WWOX: variants seen among roughly 807,000 people sequenced by gnomAD.
WWOX encodes WW domain containing oxidoreductase.
In WWOX, 69 loss-of-function variants were observed where a neutral mutation model predicts 46.2. The observed-to-expected ratio is 1.49, with a 90% CI of 1.23 to 1.82. The LOEUF (loss-of-function observed/expected upper bound fraction) is 1.82, where lower values mean the gene tolerates loss of function less well. Among genes scored for constraint, WWOX ranks in the 40% most tolerant of loss-of-function variants. The pLI is 0.00. For synonymous variants in WWOX, 359 were observed against 202.6 expected, an observed-to-expected ratio of 1.77 and a Z score of -6.56; for missense variants, 919 against 542.6, an observed-to-expected ratio of 1.69 and a Z score of -6.89.
intron 8 of WWOX, among the ~76,000 whole-genome samples, chr16:79,137,875 A>G (rs1194282965): frequency 6.6e-6 from 1 of 152,182 alleles, no homozygotes; most frequent in Non-Finnish European, 1.5e-5. Flanking sequence ...CACAAACACA[A>G]GACCAAAGTT....
intron 8 of WWOX, among the ~76,000 whole-genome samples, chr16:78,863,571 T>C (rs907568272): frequency 3.9e-5 from 6 of 152,182 alleles, no homozygotes; most frequent in Non-Finnish European, 7.3e-5. Context: ...TGGCTCCCTT[T>C]GTGAGAAGGG....
intron 8 of WWOX, among the ~76,000 whole-genome samples, chr16:79,033,994 G>C (rs971008901): frequency 3.3e-5 from 5 of 152,190 alleles, no homozygotes; most frequent in African/African-American, 1.2e-4. Flanking sequence ...GGGGACTCCT[G>C]ATTCATTCCT....
intron 8 of WWOX, among the ~76,000 whole-genome samples, chr16:78,935,448 T>C (rs892800277): frequency 6.6e-6 from 1 of 152,088 alleles, no homozygotes; most frequent in African/African-American, 2.4e-5. Flanking sequence ...AGTTCATGTC[T>C]CTTGTAGGGA....
intron 8 of WWOX, among the ~76,000 whole-genome samples, chr16:78,735,763 G>C (rs2049076766): frequency 6.6e-6 from 1 of 151,954 alleles, no homozygotes; most frequent in African/African-American, 2.4e-5. Context: ...GAATGTTGTT[G>C]ACTGAAGGCC....
At chr16:78,743,853 C>T (rs1195622809) in intron 8 of WWOX, among the ~76,000 whole-genome samples, 2 of 152,128 alleles carry the variant, frequency 1.3e-5, no homozygotes, top group South Asian at 2.1e-4. Flanking sequence ...ACCAAGTGGC[C>T]AATGGGAGAC....
chr16:78,152,506 A>G (rs1338591181), intron 4 of WWOX, among the ~76,000 whole-genome samples: 1 of 151,968 alleles, frequency 6.6e-6, no homozygotes, highest in East Asian at 1.9e-4. Flanking sequence ...CCTATCCCCC[A>G]TCCCTCATTA....
chr16:78,134,505 T>C (rs2033721563), intron 4 of WWOX, among the ~76,000 whole-genome samples: 1 of 152,206 alleles, frequency 6.6e-6, no homozygotes, highest in Non-Finnish European at 1.5e-5. Flanking sequence ...ATTACTTCTT[T>C]TATTCAGAGC....
At chr16:78,124,104 C>G (rs1423657304) in intron 4 of WWOX, 1 of 152,106 alleles carries the variant, frequency 6.6e-6, no homozygotes, top group African/African-American at 2.4e-5. Context: ...CTTTACAAAA[C>G]TGCTTATTTT....
intron 5 of WWOX, among the ~76,000 whole-genome samples, chr16:78,370,787 TTG>T (rs1491448381): frequency 0.012 from 156 of 13,456 alleles, 2 homozygotes; most frequent in Non-Finnish European, 0.032. Context: ...TCTTTTTTTT[TTG>T]GGGGGGGGGG....
At chr16:78,628,393 T>C (rs776084521) in intron 8 of WWOX, among the ~76,000 whole-genome samples, 9 of 152,122 alleles carry the variant, frequency 5.9e-5, no homozygotes, top group Non-Finnish European at 8.8e-5. Flanking sequence ...GCCATTCTGA[T>C]TTACTAGGTC....
At chr16:78,162,527 TAC>T (rs1004525995) in intron 4 of WWOX, among the ~76,000 whole-genome samples, 227 of 151,836 alleles carry the variant, frequency 1.5e-3, no homozygotes, top group African/African-American at 1.4e-3. Context: ...CATATATATA[TAC>T]ACACACACAC....
At chr16:79,003,928 CA>C (rs1438124449) in intron 8 of WWOX, among the ~76,000 whole-genome samples, 2 of 152,168 alleles carry the variant, frequency 1.3e-5, no homozygotes, top group Non-Finnish European at 2.9e-5. Flanking sequence ...CAGATTTTAT[CA>C]CTGTCCTGGG....
chr16:78,647,124 C>G (rs1224056923), intron 8 of WWOX, among the ~76,000 whole-genome samples: 2 of 152,198 alleles, frequency 1.3e-5, no homozygotes, highest in Admixed American at 1.3e-4. Flanking sequence ...GTGCCCCAAT[C>G]TGGAGTCCAC....
chr16:78,886,634 A>AAAAACATATATATATATATATATGT (rs2044463695), intron 8 of WWOX, among the ~76,000 whole-genome samples: 2 of 99,852 alleles, frequency 2.0e-5, no homozygotes, highest in African/African-American at 4.7e-5. Context: ...TATTACAAAG[A>AAAAACATATATATATATATATATGT]AAAACATATA....
chr16:79,164,200 T>C (rs1178357105), intron 8 of WWOX, among the ~76,000 whole-genome samples: 1 of 152,176 alleles, frequency 6.6e-6, no homozygotes, highest in Admixed American at 6.5e-5. Context: ...GTTTGACGTG[T>C]TTGGGAGCTA....
At chr16:78,279,086 G>A (rs958887874) in intron 5 of WWOX, among the ~76,000 whole-genome samples, 21 of 152,094 alleles carry the variant, frequency 1.4e-4, no homozygotes, top group South Asian at 2.1e-4. Context: ...ACCAGAGTTC[G>A]CTGTCAATGG....
At chr16:78,805,824 C>G (rs1467697147) in intron 8 of WWOX, among the ~76,000 whole-genome samples, 1 of 152,180 alleles carries the variant, frequency 6.6e-6, no homozygotes, top group Non-Finnish European at 1.5e-5. Flanking sequence ...TCCAAACTGT[C>G]AAGGACAGTG....
intron 8 of WWOX, among the ~76,000 whole-genome samples, chr16:78,499,875 C>T (rs750027723): frequency 2.6e-4 from 40 of 152,138 alleles, no homozygotes; most frequent in Middle Eastern, 3.2e-3. Context: ...CCTTACATTC[C>T]GTCTTTAATG....
At chr16:78,931,695 T>A (rs1025087043) in intron 8 of WWOX, among the ~76,000 whole-genome samples, 1 of 152,128 alleles carries the variant, frequency 6.6e-6, no homozygotes, top group African/African-American at 2.4e-5. Flanking sequence ...GGGACAAGTG[T>A]TTAGTATTTT....
Sources: allele counts gnomAD v4.1 joint callset (sites outside exome capture counted in the v4.1 genomes callset), GRCh38; gene constraint gnomAD v4.1.1; transcripts MANE v1.5; gene names NCBI Gene and HGNC (gene_info 2026-07-23, HGNC 2026-07-21).